Variants in KDM4A observed in about 807,000 individuals in gnomAD.
KDM4A encodes the protein lysine-specific demethylase 4A.
In KDM4A, 23 loss-of-function variants were observed where a neutral mutation model predicts 127.1. That is an observed-to-expected ratio of 0.18 (90% CI 0.13 to 0.26). KDM4A has a LOEUF of 0.26. KDM4A is among the 10% of genes least tolerant of loss of function. KDM4A has a pLI of 1.00. For synonymous variants in KDM4A, 443 were observed against 466.5 expected (o/e 0.95, Z 0.65); for missense variants, 890 against 1,329.1 (o/e 0.67, Z 5.14).
chr1:43,698,250 T>G (rs566364803), intron 19 of KDM4A, among the ~76,000 whole-genome samples: 17 of 152,372 alleles, frequency 1.1e-4, no homozygotes, highest in African/African-American at 4.1e-4. Context: ...TGCAATTCCT[T>G]GAAACCTGCA....
At chr1:43,656,254 TTCTC>T (rs1343263330) in intron 3 of KDM4A, among the ~76,000 whole-genome samples, 4 of 152,120 alleles carry the variant, frequency 2.6e-5, no homozygotes, top group African/African-American at 4.8e-5. Context: ...CACTCCTTCT[TTCTC>T]TGTACATTCC....
chr1:43,675,409 A>G (rs933063088), intron 11 of KDM4A, among the ~76,000 whole-genome samples: 7 of 152,224 alleles, frequency 4.6e-5, no homozygotes, highest in Admixed American at 3.3e-4. Flanking sequence ...CTGGGGTTGC[A>G]GTGTAGAGTT....
rs1001510172 is a variant in KDM4A, at chr1:43,694,615, C to G, written c.2485-94C>G. On this transcript the variant is annotated intron_variant, in intron 17 of 21. Coordinates refer to ENST00000372396, the MANE Select transcript of KDM4A (RefSeq NM_014663.3). This position sits in a 1 kb window ranked among gnomAD's most constrained non-coding sequence, Gnocchi z 5.2. ...CTTGTATTTTGGGAAGGGGCTGGCT[C>G]TTGCTTGCTTGGCTTTGCATTTGGG... is the stretch of plus-strand genomic sequence containing the variant. 1 of 1,120,350 alleles carries G rather than the reference C, an allele frequency of 8.9e-7. No individual in the cohort carries two copies. The highest frequency in any genetic ancestry group is 1.3e-6 in the Non-Finnish European group (1 of 768,246). The allele number at this position is 1,120,350 out of a possible 1,614,324, so 69.4% of individuals were successfully genotyped here.
chr1:43,688,819 A>G lies in KDM4A; in HGVS notation c.1856-95A>G. ...CAGGAGTCACCCTTGGTCCAAACCT[A>G]GGATCAGGAGTCCTAGTGGAACTCA... On this transcript the variant is annotated intron_variant, in intron 12 of 21. Transcript: ENST00000372396. This position sits in a 1 kb window ranked among gnomAD's most constrained non-coding sequence, Gnocchi z 4.4. 8.6e-7 allele frequency: 1 copy of G among 1,159,916 alleles called. No individual in the cohort carries two copies. Among genetic ancestry groups the G allele is most frequent in the Non-Finnish European group, 1.2e-6 (1 of 811,082 alleles). 71.9% of individuals were successfully genotyped at this position (1,159,916 alleles called of 1,614,324 possible).
intron 8 of KDM4A, 85 bp from the exon 9 acceptor site, chr1:43,667,687 A>C (rs1660529813): frequency 6.4e-7 from 1 of 1,557,134 alleles, no homozygotes; most frequent in African/African-American, 1.4e-5. Context: ...ACTTGTTTCC[A>C]TGTGGAGGGA....
intron 13 of KDM4A, among the ~76,000 whole-genome samples, chr1:43,689,552 G>C (rs1005809981): frequency 8.5e-5 from 13 of 152,230 alleles, no homozygotes; most frequent in Admixed American, 7.9e-4. Flanking sequence ...GAACTTGGGA[G>C]GGGTGGAAGC....
chr1:43,658,746 G>A (rs564492794), intron 3 of KDM4A, among the ~76,000 whole-genome samples: 5 of 151,852 alleles, frequency 3.3e-5, no homozygotes, highest in East Asian at 2.0e-4. Flanking sequence ...CTTGTGATCC[G>A]CCTGCCTGGG....
At chr1:43,701,393 A>G (rs1270204893) in intron 19 of KDM4A, among the ~76,000 whole-genome samples, 1 of 152,238 alleles carries the variant, frequency 6.6e-6, no homozygotes, top group Non-Finnish European at 1.5e-5. Context: ...CCTTGACATG[A>G]CAGGCGTTCA....
intron 19 of KDM4A, among the ~76,000 whole-genome samples, chr1:43,701,585 C>T (rs1017647266): frequency 1.3e-5 from 2 of 152,170 alleles, no homozygotes; most frequent in African/African-American, 2.4e-5. Context: ...GCCTCATCCT[C>T]CCGGCCTCAA....
At chr1:43,675,172 A>G (rs543646799) in intron 11 of KDM4A, among the ~76,000 whole-genome samples, 39 of 152,090 alleles carry the variant, frequency 2.6e-4, no homozygotes, top group Middle Eastern at 3.4e-3. Flanking sequence ...CCATCCCTCC[A>G]CCTCCAACAT....
chr1:43,682,122 C>T (rs2154048003), intron 11 of KDM4A, among the ~76,000 whole-genome samples: 1 of 152,226 alleles, frequency 6.6e-6, no homozygotes, highest in East Asian at 1.9e-4. Flanking sequence ...GTGCATGCCA[C>T]CACACCTGAA....
At chr1:43,699,317 G>A (rs1661324993) in intron 19 of KDM4A, among the ~76,000 whole-genome samples, 1 of 152,000 alleles carries the variant, frequency 6.6e-6, no homozygotes, top group Admixed American at 6.6e-5. Flanking sequence ...GGCTGGTTTC[G>A]ATCTCGCAGC....
intron 11 of KDM4A, among the ~76,000 whole-genome samples, chr1:43,680,934 T>C (rs1660843343): frequency 6.6e-6 from 1 of 152,210 alleles, no homozygotes; most frequent in Admixed American, 6.5e-5. Context: ...CATTATTCTC[T>C]CTACCAAATA....
chr1:43,663,993 A>G (rs2154046914), intron 5 of KDM4A, among the ~76,000 whole-genome samples: 1 of 152,250 alleles, frequency 6.6e-6, no homozygotes, highest in South Asian at 2.1e-4. Context: ...TGGATGAGAT[A>G]CCTACCCTCA....
In KDM4A at chr1:43,692,696, A is replaced by G. The variant is rs548615765; in HGVS notation, c.2375+385A>G. Among the ~76,000 whole-genome samples the G allele has an allele frequency of 1.8e-3, 270 of 152,302 alleles. 1 individual carries two copies. Among genetic ancestry groups the G allele is most frequent in the Non-Finnish European group, 2.0e-3 (134 of 68,030 alleles). On this transcript the variant is annotated intron_variant, in intron 16 of 21. Transcript: ENST00000372396. Reference sequence around the variant, plus strand: ...CACAGGCTAGCAAGCACTTCTCCACATGGCAAACTCCCTGGCTCAGACCTG... The same window carrying G: ...CACAGGCTAGCAAGCACTTCTCCACGTGGCAAACTCCCTGGCTCAGACCTG...
intron 12 of KDM4A, among the ~76,000 whole-genome samples, chr1:43,685,569 C>T (rs1162835064): frequency 1.3e-5 from 2 of 151,934 alleles, no homozygotes; most frequent in Non-Finnish European, 2.9e-5. Flanking sequence ...GAGATCGAGA[C>T]CATCCTGGCT....
At chr1:43,703,790 C>T in intron 20 of KDM4A, 54 bp downstream of exon 20, 1 of 1,607,714 alleles carries the variant, frequency 6.2e-7, no homozygotes, top group South Asian at 1.1e-5. Flanking sequence ...TAATTCTGTG[C>T]TTCCTGTTGG....
chr1:43,698,097 T>C, intron 19 of KDM4A, 84 bp downstream of exon 19: 1 of 1,323,252 alleles, frequency 7.6e-7, no homozygotes, highest in Non-Finnish European at 1.1e-6. Context: ...TGTGTATGCC[T>C]GCTTCTTCTA....
rs1661052030 is a variant in KDM4A, at chr1:43,689,168, A to G, written c.2037+73A>G. On this transcript the variant is annotated intron_variant, in intron 13 of 21. Coordinates refer to ENST00000372396, the MANE Select transcript of KDM4A (RefSeq NM_014663.3). ...GGAAGCTAGATTTAATTGTGAGTAT[A>G]TAGCTTGTCACTGGTTGTCTTGGGA... 4 of 1,480,748 alleles carry G rather than the reference A, an allele frequency of 2.7e-6. No homozygotes were observed. The South Asian group carries it at 4.9e-5, about 18-fold the overall frequency. 91.7% of individuals were successfully genotyped at this position (1,480,748 alleles called of 1,614,324 possible). A position where few individuals can be genotyped will look rare whatever the true frequency, so the allele number is the denominator to read the frequency against.
Sources: gnomAD v4.1 joint callset for allele counts (sites outside exome capture counted in the v4.1 genomes callset) on GRCh38, gnomAD v4.1.1 for gene constraint, Gnocchi (gnomAD v3.1) non-coding constraint, MANE v1.5 for transcripts, NCBI Gene and HGNC (gene_info 2026-07-23, HGNC 2026-07-21) for gene names.